The following UNC5D variants were observed in gnomAD, a reference collection of about 807,000 sequenced individuals.
UNC5D encodes netrin receptor UNC5D.
UNC5D carries 39 observed loss-of-function variants against 105.4 expected under a neutral mutation model. The ratio of observed to expected loss-of-function variants is 0.37; its 90% CI spans 0.29 to 0.48. UNC5D has a LOEUF of 0.48. UNC5D is among the 20% of genes least tolerant of loss of function. The probability of loss-of-function intolerance (pLI) is 0.98; values close to 1 mark genes in which losing one functional copy is unlikely to be tolerated. For synonymous variants in UNC5D, 452 were observed against 450.4 expected (o/e 1.00, Z -0.04); for missense variants, 991 against 1,202.4 (o/e 0.82, Z 2.60).
chr8:35,787,508 T>C (rs1802800286), intron 16 of UNC5D, among the ~76,000 whole-genome samples: 2 of 152,124 alleles, frequency 1.3e-5, no homozygotes, highest in Non-Finnish European at 2.9e-5. Context: ...GCCTTCTACC[T>C]GGGTTTTGGT....
intron 1 of UNC5D, among the ~76,000 whole-genome samples, chr8:35,429,283 T>C (rs1240766982): frequency 6.6e-6 from 1 of 152,142 alleles, no homozygotes; most frequent in Non-Finnish European, 1.5e-5. Flanking sequence ...AGGTTTTTCA[T>C]AGAGATAGCA....
intron 1 of UNC5D, among the ~76,000 whole-genome samples, chr8:35,417,068 T>G (rs1187830182): frequency 6.6e-6 from 1 of 152,184 alleles, no homozygotes; most frequent in Admixed American, 6.5e-5. Flanking sequence ...CCTGAAGCAT[T>G]TATTATTTGT....
At chr8:35,627,967 G>C (rs899172685) in intron 4 of UNC5D, among the ~76,000 whole-genome samples, 1 of 151,998 alleles carries the variant, frequency 6.6e-6, no homozygotes, top group Non-Finnish European at 1.5e-5. Context: ...TCATCTAATG[G>C]GTTTAGATTT....
At chr8:35,253,637 C>T (rs549125041) in intron 1 of UNC5D, among the ~76,000 whole-genome samples, 41 of 152,032 alleles carry the variant, frequency 2.7e-4, no homozygotes, top group Middle Eastern at 3.4e-3. Flanking sequence ...CAGGCATGTG[C>T]CACCACGCCC....
chr8:35,593,705 G>C (rs1273330168), intron 3 of UNC5D, among the ~76,000 whole-genome samples: 1 of 152,142 alleles, frequency 6.6e-6, no homozygotes, highest in Non-Finnish European at 1.5e-5. Context: ...CAAGGTTACG[G>C]TGAGCTATGT....
intron 7 of UNC5D, among the ~76,000 whole-genome samples, chr8:35,696,327 C>T (rs1314312805): frequency 7.0e-6 from 1 of 143,802 alleles, no homozygotes; most frequent in Non-Finnish European, 1.5e-5. Flanking sequence ...GATTGATATC[C>T]AAGGTCCCTT....
intron 7 of UNC5D, among the ~76,000 whole-genome samples, chr8:35,701,567 T>C (rs1267727747): frequency 6.6e-6 from 1 of 152,110 alleles, no homozygotes; most frequent in African/African-American, 2.4e-5. Flanking sequence ...AAATTAAAGG[T>C]GAAAAAGAAA....
At chr8:35,569,482 C>T (rs997317614) in intron 3 of UNC5D, among the ~76,000 whole-genome samples, 2 of 152,210 alleles carry the variant, frequency 1.3e-5, no homozygotes, top group African/African-American at 4.8e-5. Context: ...GGAATGAAAT[C>T]TTCCTCTCAA....
At chr8:35,670,046 C>G (rs1824677349) in intron 4 of UNC5D, among the ~76,000 whole-genome samples, 2 of 152,042 alleles carry the variant, frequency 1.3e-5, no homozygotes, top group South Asian at 4.1e-4. Context: ...GGGCCTAAAC[C>G]TGAGACTTGA....
chr8:35,661,743 T>C (rs867128558), intron 4 of UNC5D, among the ~76,000 whole-genome samples: 7 of 152,156 alleles, frequency 4.6e-5, no homozygotes, highest in Non-Finnish European at 8.8e-5. Flanking sequence ...CTTATAGCAT[T>C]TTACCACTTT....
At chr8:35,424,642 T>G (rs912323986) in intron 1 of UNC5D, among the ~76,000 whole-genome samples, 1 of 152,164 alleles carries the variant, frequency 6.6e-6, no homozygotes, top group African/African-American at 2.4e-5. Flanking sequence ...TTCACATCTG[T>G]GTTTATGAAG....
At chr8:35,580,270 G>A (rs1358583420) in intron 3 of UNC5D, among the ~76,000 whole-genome samples, 1 of 152,094 alleles carries the variant, frequency 6.6e-6, no homozygotes, top group Non-Finnish European at 1.5e-5. Flanking sequence ...AAGGATATGA[G>A]AGCAGAATCA....
At chr8:35,681,961 G>A (rs894707445) in intron 4 of UNC5D, among the ~76,000 whole-genome samples, 9 of 151,616 alleles carry the variant, frequency 5.9e-5, no homozygotes, top group East Asian at 1.9e-4. Flanking sequence ...TAGAAGAGAC[G>A]ACCTTTTTTT....
chr8:35,377,086 A>C (rs2128929197), intron 1 of UNC5D, among the ~76,000 whole-genome samples: 1 of 152,300 alleles, frequency 6.6e-6, no homozygotes, highest in African/African-American at 2.4e-5. Flanking sequence ...AGAGCACACC[A>C]GGTGGTGTAT....
At chr8:35,610,196 A>T (rs1231937165) in intron 4 of UNC5D, among the ~76,000 whole-genome samples, 2 of 151,504 alleles carry the variant, frequency 1.3e-5, no homozygotes, top group African/African-American at 2.4e-5. Context: ...AACTTTTCTA[A>T]GCTCTCAGGT....
At chr8:35,595,758 T>C in intron 4 of UNC5D, 101 bp downstream of exon 4, 1 of 997,350 alleles carries the variant, frequency 1.0e-6, no homozygotes, top group Non-Finnish European at 1.5e-6. Flanking sequence ...AAGGAGCCCA[T>C]GTCTGGGATT....
Position 35,339,412 on chromosome 8 carries a change from A to G in UNC5D, c.103+103525A>G, listed in dbSNP as rs575835726. On this transcript the variant is annotated intron_variant, in intron 1 of 16. Transcript: ENST00000404895. ...CCAGTAAAATGTAAAATGTAGTGGG[A>G]CTCATTTATTTCCTTTCCATCTGTC... 5.6e-4 allele frequency among the ~76,000 whole-genome samples: 85 copies of G among 152,252 alleles called. 1 individual carries two copies. The highest frequency in any genetic ancestry group is 8.4e-4 in the Non-Finnish European group (57 of 68,018).
intron 1 of UNC5D, among the ~76,000 whole-genome samples, chr8:35,545,733 A>G (rs1815615532): frequency 6.6e-6 from 1 of 152,054 alleles, no homozygotes; most frequent in Admixed American, 6.6e-5. Flanking sequence ...ACAAATATAT[A>G]CCTACAATCC....
chr8:35,285,933 AATAAC>A (rs1384634547), intron 1 of UNC5D, among the ~76,000 whole-genome samples: 3 of 152,102 alleles, frequency 2.0e-5, no homozygotes, highest in African/African-American at 7.2e-5. Flanking sequence ...AATCTTAAAA[AATAAC>A]ATAGAAACAG....
Sources: allele counts gnomAD v4.1 joint callset (sites outside exome capture counted in the v4.1 genomes callset), GRCh38; gene constraint gnomAD v4.1.1; transcripts MANE v1.5; gene names NCBI Gene and HGNC (gene_info 2026-07-23, HGNC 2026-07-21).